The following CENPI variants were observed in gnomAD, a reference collection of about 807,000 sequenced individuals.
CENPI encodes the protein centromere protein I.
Under a neutral mutation model 60.4 loss-of-function variants are expected in CENPI, and 4 were observed. The ratio of observed to expected loss-of-function variants is 0.07; its 90% CI spans 0.03 to 0.15. CENPI has a LOEUF of 0.15. Among genes scored for constraint, CENPI ranks in the 10% least tolerant of loss-of-function variants. The probability of loss-of-function intolerance (pLI) is 1.00; values close to 1 mark genes in which losing one functional copy is unlikely to be tolerated. For synonymous variants in CENPI, 157 were observed against 189.4 expected, an observed-to-expected ratio of 0.83 and a Z score of 1.40; for missense variants, 444 against 534.5, an observed-to-expected ratio of 0.83 and a Z score of 1.67.
rs192936553 is a variant in CENPI at position 101,105,639 on chromosome X, A to G, written c.364+3228A>G. Among the ~76,000 whole-genome samples the G allele has an allele frequency of 2.7e-4, 30 of 111,456 alleles. No homozygotes were observed. The East Asian group carries it at 6.8e-3, about 25-fold the overall frequency. On this transcript the variant is annotated intron_variant, in intron 4 of 21. Transcript: ENST00000682095. ...GTCCAGACTGCAGTGCAGTGGTATG[A>G]TCATGGTTCACTGCAGCCTTGACCT... is the stretch of plus-strand genomic sequence containing the variant.
chrX:101,117,950 A>G (rs777650750), intron 6 of CENPI, among the ~76,000 whole-genome samples: 45 of 112,420 alleles, frequency 4.0e-4, no homozygotes, highest in Non-Finnish European at 8.1e-4. Context: ...GCTGGCAGGA[A>G]AGCGGTCAGG....
chrX:101,165,430 GAA>G lies in CENPI; in HGVS notation c.*2466_*2467del, dbSNP rs957175626. 1.8e-5 allele frequency among the ~76,000 whole-genome samples: 2 copies of G among 111,374 alleles called. No individual in the cohort carries two copies. Among genetic ancestry groups the G allele is most frequent in the African/African-American group, 6.5e-5 (2 of 30,638 alleles). On this transcript the variant is annotated 3_prime_UTR_variant, in exon 22 of 22. Transcript: ENST00000682095. ...CTGCTGATAGCTTGGATATGAGGAGGAAAAGGAGAGGAGTAAAGGATGACTCA... is the reference window on the plus strand; with the variant it reads ...CTGCTGATAGCTTGGATATGAGGAGGAAGGAGAGGAGTAAAGGATGACTCA...
chrX:101,104,781 G>A (rs1181789551), intron 4 of CENPI, among the ~76,000 whole-genome samples: 2 of 108,992 alleles, frequency 1.8e-5, no homozygotes, highest in African/African-American at 6.7e-5. Context: ...AATCACTTGA[G>A]CCCAGGAGTT....
At chrX:101,105,832 CTT>C (rs2080141083) in intron 4 of CENPI, among the ~76,000 whole-genome samples, 5 of 111,950 alleles carry the variant, frequency 4.5e-5, no homozygotes, top group African/African-American at 1.6e-4. Context: ...ACTCGGGAAA[CTT>C]TTATATAGCA....
intron 6 of CENPI, among the ~76,000 whole-genome samples, chrX:101,119,094 C>T (rs1303973379): frequency 1.8e-5 from 2 of 111,225 alleles, no homozygotes; most frequent in Admixed American, 1.9e-4. Context: ...GTAGGAGAAT[C>T]GCTTGAACCC....
intron 8 of CENPI, among the ~76,000 whole-genome samples, chrX:101,126,095 T>A (rs1388081604): frequency 8.9e-6 from 1 of 112,430 alleles, no homozygotes. Flanking sequence ...CAATAAAATT[T>A]TAGTATAATA....
chrX:101,120,374 C>G (rs781092469), intron 6 of CENPI, 28 bp from the exon 7 acceptor site: 1 of 706,671 alleles, frequency 1.4e-6, no homozygotes, highest in South Asian at 2.4e-5. Flanking sequence ...ATTATCATTT[C>G]TCTTAATATT....
chrX:101,169,941 T>A (rs1259175000), downstream of CENPI, among the ~76,000 whole-genome samples: 1 of 100,396 alleles, frequency 1.0e-5, no homozygotes, highest in South Asian at 4.9e-4. Flanking sequence ...CTAAGTGTTA[T>A]TACAAAAGAG....
intron 6 of CENPI, among the ~76,000 whole-genome samples, chrX:101,110,744 T>C (rs969700579): frequency 8.9e-5 from 10 of 112,178 alleles, no homozygotes; most frequent in Non-Finnish European, 3.8e-5. Context: ...TGAAATCTCA[T>C]TGGGGAATTA....
At chrX:101,115,121 G>A (rs1170746536) in intron 6 of CENPI, among the ~76,000 whole-genome samples, 4 of 108,523 alleles carry the variant, frequency 3.7e-5, no homozygotes, top group Non-Finnish European at 7.6e-5. Context: ...GCACCACCAC[G>A]CCTGGCTAAT....
intron 2 of CENPI, among the ~76,000 whole-genome samples, chrX:101,100,267 CT>C (rs2089399280): frequency 9.0e-6 from 1 of 111,617 alleles, no homozygotes; most frequent in African/African-American, 3.3e-5. Flanking sequence ...CCTGAAAATG[CT>C]TAGTCTGGCC....
chrX:101,122,774 G>T (rs1175657002), intron 8 of CENPI, among the ~76,000 whole-genome samples: 3 of 111,471 alleles, frequency 2.7e-5, no homozygotes, highest in African/African-American at 9.8e-5. Context: ...TACTTGGGAG[G>T]CTGAGGCAGG....
chrX:101,134,268 C>A (rs2089825078), intron 15 of CENPI, among the ~76,000 whole-genome samples: 1 of 111,241 alleles, frequency 9.0e-6, no homozygotes, highest in South Asian at 3.8e-4. Context: ...TCCTCTAAGA[C>A]TGGGGAGAGG....
Position 101,109,820 on chromosome X carries a change from C to CG in CENPI, c.484-65dup, listed in dbSNP as rs768031222. 10 of 742,138 alleles carry CG rather than the reference C, an allele frequency of 1.3e-5. No homozygotes were observed. In the East Asian group the frequency reaches 3.3e-4, roughly 24 times the overall value. 61.2% of individuals were successfully genotyped at this position (742,138 alleles called of 1,213,427 possible). On this transcript the variant is annotated intron_variant, in intron 5 of 21. Transcript: ENST00000682095. ...CTAAAATAGCCCTGGTGGCGGGGGA[C>CG]GGGGGGCGGAATTAAACTCTTCTGT... is the stretch of plus-strand genomic sequence containing the variant.
chrX:101,139,238 G>T (rs752473153), intron 15 of CENPI, among the ~76,000 whole-genome samples: 2 of 104,397 alleles, frequency 1.9e-5, no homozygotes, highest in South Asian at 8.8e-4. Flanking sequence ...GGGATTACAG[G>T]CACGTGCCAC....
chrX:101,153,524 T>A (rs1314516848), intron 20 of CENPI, among the ~76,000 whole-genome samples: 1 of 111,266 alleles, frequency 9.0e-6, no homozygotes, highest in Non-Finnish European at 1.9e-5. Context: ...TGGGCTCAAA[T>A]GGTCCATCCA....
intron 20 of CENPI, among the ~76,000 whole-genome samples, chrX:101,155,717 A>G (rs1182657983): frequency 8.9e-6 from 1 of 111,934 alleles, no homozygotes. Context: ...GTAACCCTCT[A>G]TAGCACACAG....
intron 8 of CENPI, among the ~76,000 whole-genome samples, chrX:101,124,079 A>G (rs2089707709): frequency 1.0e-5 from 1 of 98,443 alleles, no homozygotes; most frequent in South Asian, 5.2e-4. Context: ...ACGGTTGTAC[A>G]TATAGAATCA....
chrX:101,131,323 A>T (rs1703500673), intron 13 of CENPI, among the ~76,000 whole-genome samples: 1 of 111,720 alleles, frequency 9.0e-6, no homozygotes, highest in Non-Finnish European at 1.9e-5. Context: ...AGTTTTAGGG[A>T]TTTGGTGTGA....
Sources: gnomAD v4.1 joint callset for allele counts (sites outside exome capture counted in the v4.1 genomes callset) on GRCh38, gnomAD v4.1.1 for gene constraint, MANE v1.5 for transcripts, NCBI Gene and HGNC (gene_info 2026-07-23, HGNC 2026-07-21) for gene names.